Variants in COG5 observed in about 807,000 individuals in gnomAD.
COG5 encodes conserved oligomeric Golgi complex subunit 5.
COG5 carries 86 observed loss-of-function variants against 110.4 expected under a neutral mutation model. The observed-to-expected ratio is 0.78, with a 90% CI of 0.65 to 0.93. The LOEUF is 0.93. COG5 is among the 40% of genes least tolerant of loss of function. The pLI is 0.00. For synonymous variants in COG5, 360 were observed against 334.6 expected, an observed-to-expected ratio of 1.08 and a Z score of -0.83; for missense variants, 1,077 against 987.0, an observed-to-expected ratio of 1.09 and a Z score of -1.22.
intron 6 of COG5, among the ~76,000 whole-genome samples, chr7:107,415,404 T>C (rs1260659865): frequency 1.3e-5 from 2 of 152,162 alleles, no homozygotes; most frequent in Non-Finnish European, 2.9e-5. Context: ...AGGCAGAGCA[T>C]TGCCATTTTT....
At chr7:107,394,971 G>A (rs1043248675) in intron 7 of COG5, among the ~76,000 whole-genome samples, 3 of 152,152 alleles carry the variant, frequency 2.0e-5, no homozygotes, top group Non-Finnish European at 4.4e-5. Context: ...GACAAATACA[G>A]AATACAAATT....
chr7:107,360,568 C>A (rs1004707695), intron 10 of COG5, among the ~76,000 whole-genome samples: 26 of 152,166 alleles, frequency 1.7e-4, no homozygotes, highest in African/African-American at 6.3e-4. Flanking sequence ...TTCCTGGTGT[C>A]TCTTGAGTTT....
At chr7:107,494,890 C>G (rs1417449631) in intron 6 of COG5, among the ~76,000 whole-genome samples, 1 of 152,046 alleles carries the variant, frequency 6.6e-6, no homozygotes, top group South Asian at 2.1e-4. Flanking sequence ...TCAGGGCAGG[C>G]AGAGTAGTTA....
In COG5 at chr7:107,356,373, G is replaced by A. The variant is rs118098474; in HGVS notation, c.1026+5660C>T. On this transcript the variant is annotated intron_variant, in intron 10 of 21. Coordinates refer to ENST00000297135, the MANE Select transcript of COG5 (RefSeq NM_006348.5). ...CAAAGAAAACATATCTATTAAATTA[G>A]CTTTCAGTGAATTTCAAGTACAGAC... is the stretch of plus-strand genomic sequence containing the variant. 1.7e-3 allele frequency among the ~76,000 whole-genome samples: 255 copies of A among 152,110 alleles called. 1 individual carries two copies. The highest frequency in any genetic ancestry group is 3.0e-3 in the Non-Finnish European group (206 of 67,988).
chr7:107,266,128 T>C (rs1803782747), intron 14 of COG5, among the ~76,000 whole-genome samples: 1 of 152,082 alleles, frequency 6.6e-6, no homozygotes, highest in Non-Finnish European at 1.5e-5. Context: ...AAATTATACT[T>C]TATGTGGAAT....
chr7:107,420,204 A>C (rs903256693), intron 6 of COG5, among the ~76,000 whole-genome samples: 1 of 152,206 alleles, frequency 6.6e-6, no homozygotes, highest in African/African-American at 2.4e-5. Flanking sequence ...AAGAAAAATC[A>C]CTAAACTTTT....
intron 19 of COG5, among the ~76,000 whole-genome samples, chr7:107,216,295 G>A (rs1425239864): frequency 6.6e-6 from 1 of 152,202 alleles, no homozygotes; most frequent in Non-Finnish European, 1.5e-5. Flanking sequence ...TTACAATGCA[G>A]TAATTGTAGG....
rs2116058451 is a variant in COG5 at position 107,202,091 on chromosome 7, A to G, written c.*1425T>C. On this transcript the variant is annotated 3_prime_UTR_variant, in exon 22 of 22. Coordinates refer to ENST00000297135, the MANE Select transcript of COG5 (RefSeq NM_006348.5). ...CCGTTATTATTTCCAATGGAGACCT[A>G]GCCCAGGCCAAGGTAAAGTTAGTTA... 1 of 152,830 alleles carries G rather than the reference A, an allele frequency of 6.5e-6. No individual in the cohort carries two copies. The highest frequency in any genetic ancestry group is 1.5e-5 in the Non-Finnish European group (1 of 68,042). The allele number at this position is 152,830 out of a possible 1,614,324, so 9.5% of individuals were successfully genotyped here.
At chr7:107,207,886 C>A in intron 21 of COG5, 15 of 985,390 alleles carry the variant, frequency 1.5e-5, no homozygotes, top group Non-Finnish European at 1.8e-5. Flanking sequence ...GCAGTAGTTA[C>A]ACTATCCTCA....
At chr7:107,483,558 G>A (rs1365352650) in intron 6 of COG5, among the ~76,000 whole-genome samples, 1 of 152,000 alleles carries the variant, frequency 6.6e-6, no homozygotes, top group Non-Finnish European at 1.5e-5. Flanking sequence ...TACAAAATTA[G>A]CCGGGTGTGG....
At chr7:107,396,896 A>G (rs557290603) in intron 7 of COG5, among the ~76,000 whole-genome samples, 1 of 150,984 alleles carries the variant, frequency 6.6e-6, no homozygotes, top group Admixed American at 6.5e-5. Context: ...ATGACAAATT[A>G]ATGTGGCAAG....
chr7:107,470,815 T>G (rs1285837163), intron 6 of COG5, among the ~76,000 whole-genome samples: 1 of 152,096 alleles, frequency 6.6e-6, no homozygotes, highest in Non-Finnish European at 1.5e-5. Flanking sequence ...TATGTTAAGT[T>G]TATTATTTGG....
chr7:107,478,813 G>C (rs1797142093), intron 6 of COG5, among the ~76,000 whole-genome samples: 1 of 151,938 alleles, frequency 6.6e-6, no homozygotes, highest in African/African-American at 2.4e-5. Flanking sequence ...TCATTGAACT[G>C]AAATTAGACT....
At chr7:107,253,169 T>G (rs141831745) in intron 16 of COG5, 1 of 152,130 alleles carries the variant, frequency 6.6e-6, no homozygotes, top group Non-Finnish European at 1.5e-5. Flanking sequence ...GTGGTTTACA[T>G]AGAAAACTTT....
chr7:107,413,681 T>C (rs1276257632), intron 6 of COG5, among the ~76,000 whole-genome samples: 1 of 152,190 alleles, frequency 6.6e-6, no homozygotes, highest in Non-Finnish European at 1.5e-5. Context: ...TACAAGTCTT[T>C]ATATATCTGC....
At chr7:107,442,869 A>G (rs1353918989) in intron 6 of COG5, among the ~76,000 whole-genome samples, 1 of 152,186 alleles carries the variant, frequency 6.6e-6, no homozygotes, top group Non-Finnish European at 1.5e-5. Context: ...CTGTAATAAA[A>G]TAGCTGACCT....
At position 107,203,592 on chromosome 7, in the gene COG5, C is replaced by A. The variant is rs1389351970; in HGVS notation, c.2414G>T (p.Arg805Ile). 5 of 1,613,960 alleles carry A rather than the reference C, an allele frequency of 3.1e-6. No individual in the cohort carries two copies. Among genetic ancestry groups the A allele is most frequent in the Non-Finnish European group, 4.2e-6 (5 of 1,179,990 alleles). ...AACTGGTGCAAATTCTTTGCCTTCT[C>A]TACTTCTCACTGATTGAACATAAGC... ...LEAYVQSVRSREGKEFAPVYP... is the reference protein window; with the variant it reads ...LEAYVQSVRSIEGKEFAPVYP... The change falls in exon 22 of 22, where the codon AGA (arginine) becomes ATA (isoleucine). Residue 805 changes from arginine to isoleucine, a missense_variant. Transcript: ENST00000297135.
intron 6 of COG5, among the ~76,000 whole-genome samples, chr7:107,444,927 C>A (rs1336300242): frequency 6.6e-6 from 1 of 152,108 alleles, no homozygotes; most frequent in East Asian, 1.9e-4. Context: ...GTGGCTCATG[C>A]CTGTAATCCT....
In COG5 at chr7:107,372,780, G is replaced by T; in HGVS notation, c.670-20C>A. 6.2e-7 allele frequency: 1 copy of T among 1,612,470 alleles called. No individual in the cohort carries two copies. Among genetic ancestry groups the T allele is most frequent in the South Asian group, 1.1e-5 (1 of 90,980 alleles). Reference sequence around the variant, plus strand: ...TGGATTCTTAAAAAAAGGTGGGGTGGGGTGGAAACAGATATAAATAGGAAA... The same window carrying T: ...TGGATTCTTAAAAAAAGGTGGGGTGTGGTGGAAACAGATATAAATAGGAAA... On this transcript the variant is annotated intron_variant, in intron 7 of 21. Coordinates refer to ENST00000297135, the MANE Select transcript of COG5 (RefSeq NM_006348.5).
Sources: allele counts gnomAD v4.1 joint callset (sites outside exome capture counted in the v4.1 genomes callset), GRCh38; gene constraint gnomAD v4.1.1; transcripts MANE v1.5; gene names NCBI Gene and HGNC (gene_info 2026-07-23, HGNC 2026-07-21).